Variants in ARPC5L observed in about 807,000 individuals in gnomAD.
The protein encoded by ARPC5L is actin-related protein 2/3 complex subunit 5-like protein.
A neutral mutation model predicts 16.9 loss-of-function variants in ARPC5L; 4 were observed. That is an observed-to-expected ratio of 0.24 (90% CI 0.12 to 0.54). ARPC5L has a LOEUF of 0.54. Among genes scored for constraint, ARPC5L ranks in the 20% least tolerant of loss-of-function variants. The pLI, the probability that ARPC5L is intolerant of heterozygous loss-of-function variation, is 0.95. For synonymous variants in ARPC5L, 78 were observed against 82.6 expected (o/e 0.94, Z 0.30); for missense variants, 151 against 201.9 (o/e 0.75, Z 1.53).
At chr9:124,869,712 C>T (rs1829328172) in intron 3 of ARPC5L, among the ~76,000 whole-genome samples, 1 of 152,256 alleles carries the variant, frequency 6.6e-6, no homozygotes, top group African/African-American at 2.4e-5. Context: ...TCGGCACCCC[C>T]GCAGGTCCCG....
intron 3 of ARPC5L, 98 bp from the exon 4 acceptor site, chr9:124,873,594 C>A: frequency 7.3e-7 from 1 of 1,362,520 alleles, no homozygotes; most frequent in Non-Finnish European, 1.0e-6. Flanking sequence ...TGGATGAGAT[C>A]CCATCTGACT....
chr9:124,874,675 C>G (rs936216999), intron 4 of ARPC5L, among the ~76,000 whole-genome samples: 2 of 151,656 alleles, frequency 1.3e-5, no homozygotes, highest in African/African-American at 4.8e-5. Flanking sequence ...GAGCGAGACC[C>G]TGCCCCTCCC....
intron 2 of ARPC5L, among the ~76,000 whole-genome samples, chr9:124,867,097 C>T (rs1208588300): frequency 6.6e-6 from 1 of 151,682 alleles, no homozygotes; most frequent in African/African-American, 2.4e-5. Flanking sequence ...TTGCCTCCTT[C>T]ATTTCCTTCC....
chr9:124,867,155 T>TG (rs1352447405), intron 2 of ARPC5L, among the ~76,000 whole-genome samples: 4 of 151,316 alleles, frequency 2.6e-5, no homozygotes, highest in African/African-American at 9.7e-5. Context: ...TTTTTTTTTT[T>TG]TTTTGAGATG....
At chr9:124,867,324 A>G (rs1829284005) in intron 2 of ARPC5L, among the ~76,000 whole-genome samples, 1 of 151,824 alleles carries the variant, frequency 6.6e-6, no homozygotes, top group Non-Finnish European at 1.5e-5. Flanking sequence ...GTGTTTTTGT[A>G]GAGATGGGTT....
At position 124,877,145 on chromosome 9, in the gene ARPC5L, T is replaced by C; in HGVS notation, c.*205T>C. On this transcript the variant is annotated 3_prime_UTR_variant, in exon 6 of 6. Transcript: ENST00000353214. ...TGTTTAGGATCTGATAGTCTATGCC[T>C]TTGTCTCCGAGTACTGCAGAACTGA... is the stretch of plus-strand genomic sequence containing the variant. 1.8e-6 allele frequency: 1 copy of C among 561,918 alleles called. No individual in the cohort carries two copies. Among genetic ancestry groups the C allele is most frequent in the South Asian group, 2.2e-5 (1 of 46,428 alleles). The allele number at this position is 561,918 out of a possible 1,614,324, so 34.8% of individuals were successfully genotyped here. A position where few individuals can be genotyped will look rare whatever the true frequency, so the allele number is the denominator to read the frequency against.
chr9:124,873,811 G>A lies in ARPC5L; in HGVS notation c.222+47G>A, dbSNP rs113126818. 8.3e-4 allele frequency: 1,332 copies of A among 1,606,730 alleles called. 5 individuals are homozygous for A. The highest frequency in any genetic ancestry group is 6.1e-3 in the African/African-American group (459 of 74,870). On this transcript the variant is annotated intron_variant, in intron 4 of 5. Transcript: ENST00000353214. Reference sequence around the variant, plus strand: ...TCTGCTGGGTGCTGTTGGGACCAGGGCTGTGGGTGTCTGCCCAGTGCGAGT... The same window carrying A: ...TCTGCTGGGTGCTGTTGGGACCAGGACTGTGGGTGTCTGCCCAGTGCGAGT...
At position 124,877,226 on chromosome 9, in the gene ARPC5L, A is replaced by G. The variant is rs1829457142; in HGVS notation, c.*286A>G. 1 of 364,918 alleles carries G rather than the reference A, an allele frequency of 2.7e-6. No individual in the cohort carries two copies. The highest frequency in any genetic ancestry group is 4.7e-5 in the Admixed American group (1 of 21,156). 22.6% of individuals were successfully genotyped at this position (364,918 alleles called of 1,614,324 possible). ...GTGTTGGTCAGATGCACCTGTGTGC[A>G]CTGGGGGAGGGATGGTTTGGGCAGG... On this transcript the variant is annotated 3_prime_UTR_variant, in exon 6 of 6. Coordinates refer to ENST00000353214, the MANE Select transcript of ARPC5L (RefSeq NM_030978.3).
At chr9:124,864,908 A>G (rs1344864640) in intron 2 of ARPC5L, among the ~76,000 whole-genome samples, 1 of 151,942 alleles carries the variant, frequency 6.6e-6, no homozygotes, top group Non-Finnish European at 1.5e-5. Flanking sequence ...TCTGGGTCCA[A>G]AGGATTCTTC....
chr9:124,875,001 A>C lies in ARPC5L; in HGVS notation c.249A>C (p.Lys83Asn). 1.2e-6 allele frequency: 2 copies of C among 1,614,022 alleles called. No individual in the cohort carries two copies. The highest frequency in any genetic ancestry group is 1.7e-6 in the Non-Finnish European group (2 of 1,179,888). ...AGCGAGCCCAGGGCGTGGTGCTGAA[A>C]GTGCTCACAAACTTCAAGAGCAGTG... ...VKERAQGVVL[K>N]VLTNFKSSEI... Residue 83 changes from lysine (K) to asparagine (N), a missense_variant, in exon 5 of 6, where the codon AAA becomes AAC. By Grantham distance (94) the Lys-to-Asn change is moderately conservative. Coordinates refer to ENST00000353214, the MANE Select transcript of ARPC5L (RefSeq NM_030978.3).
intron 3 of ARPC5L, among the ~76,000 whole-genome samples, chr9:124,869,811 G>A (rs1829330032): frequency 6.6e-6 from 1 of 152,212 alleles, no homozygotes; most frequent in Non-Finnish European, 1.5e-5. Context: ...AGGAAATCGG[G>A]CCTATGGCGG....
In ARPC5L at chr9:124,875,053, G is replaced by A; in HGVS notation, c.301G>A (p.Asp101Asn). The A allele has an allele frequency of 2.5e-6, 4 of 1,614,066 alleles. No individual in the cohort carries two copies. The highest frequency in any genetic ancestry group is 3.4e-6 in the Non-Finnish European group (4 of 1,179,922). ...SEIEQAVQSL[D>N]RNGVDLLMKY... ...GATTGAGCAGGCTGTGCAGTCACTGGACAGAAACGGCGTTGACTTGTTAAT... is the reference window on the plus strand; with the variant it reads ...GATTGAGCAGGCTGTGCAGTCACTGAACAGAAACGGCGTTGACTTGTTAAT... The change falls in exon 5 of 6, where the codon GAC (aspartate) becomes AAC (asparagine). Residue 101 changes from aspartate (D) to asparagine (N), a missense_variant. Asp to Asn is a conservative substitution (Grantham distance 23, BLOSUM62 1). Transcript: ENST00000353214.
Position 124,875,155 on chromosome 9 carries a change from T to C in ARPC5L, c.399+4T>C. On this transcript the variant is annotated splice_donor_region_variant and intron_variant, in intron 5 of 5. Coordinates refer to ENST00000353214, the MANE Select transcript of ARPC5L (RefSeq NM_030978.3). ...GTTACTCCAGTGGCACGAAAAGGTA[T>C]GTGAACGCTGCCACGCGCCCCAGTG... 6.2e-7 allele frequency: 1 copy of C among 1,612,076 alleles called. No individual in the cohort carries two copies. Among genetic ancestry groups the C allele is most frequent in the Non-Finnish European group, 8.5e-7 (1 of 1,178,690 alleles).
At chr9:124,862,956 TC>T (rs1829223450) in intron 1 of ARPC5L, among the ~76,000 whole-genome samples, 1 of 151,726 alleles carries the variant, frequency 6.6e-6, no homozygotes, top group Admixed American at 6.6e-5. Flanking sequence ...CAAGCAGCCC[TC>T]CCACCTCAGT....
intron 3 of ARPC5L, among the ~76,000 whole-genome samples, chr9:124,870,725 CAG>C (rs777611883): frequency 6.6e-6 from 1 of 152,186 alleles, no homozygotes; most frequent in Non-Finnish European, 1.5e-5. Context: ...AGTTCATGGA[CAG>C]TCAGTGCTGA....
At chr9:124,873,332 C>T (rs964967288) in intron 3 of ARPC5L, 23 of 232,002 alleles carry the variant, frequency 9.9e-5, no homozygotes, top group Admixed American at 8.9e-4. Flanking sequence ...AAGATGAGAA[C>T]GACCTCCAGT....
Position 124,877,285 on chromosome 9 carries a change from TTG to T in ARPC5L, c.*349_*350del, listed in dbSNP as rs540132206. 3.9e-4 allele frequency: 96 copies of T among 243,050 alleles called. No homozygotes were observed. Among genetic ancestry groups the T allele is most frequent in the African/African-American group, 2.0e-3 (88 of 43,380 alleles). 15.1% of individuals were successfully genotyped at this position (243,050 alleles called of 1,614,324 possible). ...CAAGGGCTGTGGTAAACGGGAGAGC[TTG>T]TGTTTTTGAAGTGGAAAAAAACCCA... On this transcript the variant is annotated 3_prime_UTR_variant, in exon 6 of 6. Coordinates refer to ENST00000353214, the MANE Select transcript of ARPC5L (RefSeq NM_030978.3).
rs60035682 is a variant in ARPC5L, at chr9:124,871,554, G to A, written c.149+2115G>A. Among the ~76,000 whole-genome samples, 1,498 of 152,312 alleles carry A rather than the reference G, an allele frequency of 9.8e-3. 21 individuals are homozygous for A. The highest frequency in any genetic ancestry group is 0.034 in the African/African-American group (1,427 of 41,552). Reference sequence around the variant, plus strand: ...TGCGCAGGTAATTTCTGTTCTCTGAGCCTCAATTCCATTGCCTTTAAAATG... The same window carrying A: ...TGCGCAGGTAATTTCTGTTCTCTGAACCTCAATTCCATTGCCTTTAAAATG... On this transcript the variant is annotated intron_variant, in intron 3 of 5. Transcript: ENST00000353214.
At chr9:124,867,360 CG>C (rs772023702) in intron 2 of ARPC5L, among the ~76,000 whole-genome samples, 9 of 151,958 alleles carry the variant, frequency 5.9e-5, no homozygotes, top group Non-Finnish European at 1.3e-4. Flanking sequence ...AGGCTGGTCT[CG>C]AATTCCTGAC....
Sources: allele counts gnomAD v4.1 joint callset (sites outside exome capture counted in the v4.1 genomes callset), GRCh38; gene constraint gnomAD v4.1.1; transcripts MANE v1.5; gene names NCBI Gene and HGNC (gene_info 2026-07-23, HGNC 2026-07-21).